The following CTNND2 variants were observed in gnomAD, a reference collection of about 807,000 sequenced individuals.
The protein encoded by CTNND2 is catenin delta 2.
Under a neutral mutation model 144.4 loss-of-function variants are expected in CTNND2, and 22 were observed. That is an observed-to-expected ratio of 0.15 (90% confidence interval 0.11 to 0.22). The LOEUF (loss-of-function observed/expected upper bound fraction) is 0.22, where lower values mean the gene tolerates loss of function less well. CTNND2 is among the 10% of genes least tolerant of loss of function. CTNND2 has a pLI of 1.00. For missense variants in CTNND2, 1,353 were observed against 1,618.8 expected (o/e 0.84, Z 2.82); for synonymous variants, 751 against 695.6 (o/e 1.08, Z -1.25).
intron 2 of CTNND2, among the ~76,000 whole-genome samples, chr5:11,675,734 ATG>A (rs1363026616): frequency 6.6e-6 from 1 of 151,798 alleles, no homozygotes; most frequent in Non-Finnish European, 1.5e-5. Flanking sequence ...CATCACATAT[ATG>A]TGTGTGTATA....
intron 12 of CTNND2, among the ~76,000 whole-genome samples, chr5:11,149,200 T>G (rs1054976593): frequency 6.6e-6 from 1 of 152,202 alleles, no homozygotes; most frequent in African/African-American, 2.4e-5. Context: ...CTTCATTTCC[T>G]CCAACCACCT....
intron 9 of CTNND2, among the ~76,000 whole-genome samples, chr5:11,247,737 A>C (rs1414642942): frequency 6.6e-6 from 1 of 152,208 alleles, no homozygotes; most frequent in African/African-American, 2.4e-5. Context: ...CTTAAATATT[A>C]ACAAATTTCT....
chr5:11,714,929 A>C (rs1410419360), intron 2 of CTNND2, among the ~76,000 whole-genome samples: 1 of 152,040 alleles, frequency 6.6e-6, no homozygotes, highest in Admixed American at 6.5e-5. Context: ...AAAAAAAGAA[A>C]GAAAGAAATC....
chr5:11,025,705 T>C (rs546101719), intron 16 of CTNND2, among the ~76,000 whole-genome samples: 1 of 152,344 alleles, frequency 6.6e-6, no homozygotes, highest in Non-Finnish European at 1.5e-5. Flanking sequence ...TGTTCTCTTC[T>C]TCTAGACTTC....
intron 1 of CTNND2, among the ~76,000 whole-genome samples, chr5:11,887,718 G>A (rs914966891): frequency 2.0e-5 from 3 of 151,738 alleles, no homozygotes; most frequent in Non-Finnish European, 4.4e-5. Flanking sequence ...ACTATTCCAG[G>A]GCCCCATCCA....
chr5:11,240,031 T>C (rs1742049999), intron 9 of CTNND2, among the ~76,000 whole-genome samples: 1 of 152,058 alleles, frequency 6.6e-6, no homozygotes, highest in Non-Finnish European at 1.5e-5. Flanking sequence ...AAGAAAGGGC[T>C]TGGACATGGA....
At chr5:11,135,396 T>C (rs1057208302) in intron 12 of CTNND2, among the ~76,000 whole-genome samples, 11 of 152,156 alleles carry the variant, frequency 7.2e-5, no homozygotes, top group African/African-American at 2.7e-4. Flanking sequence ...TGTGCTGAAA[T>C]GAAAAGGTTT....
intron 1 of CTNND2, among the ~76,000 whole-genome samples, chr5:11,758,583 T>C (rs191671241): frequency 4.7e-4 from 72 of 152,134 alleles, no homozygotes; most frequent in African/African-American, 1.6e-3. Context: ...CAAGAGACCA[T>C]GCTTATTCAA....
intron 3 of CTNND2, among the ~76,000 whole-genome samples, chr5:11,523,201 C>T (rs1772915794): frequency 1.3e-5 from 2 of 151,916 alleles, no homozygotes; most frequent in South Asian, 4.2e-4. Context: ...TTGTTCCAGC[C>T]CTAAAGCAAA....
intron 11 of CTNND2, among the ~76,000 whole-genome samples, chr5:11,170,591 T>C (rs6554620): frequency 0.16 from 24,207 of 151,212 alleles, 2,629 homozygotes; most frequent in African/African-American, 0.32. Context: ...CACACACACA[T>C]ACACACACAC....
intron 1 of CTNND2, among the ~76,000 whole-genome samples, chr5:11,787,012 T>C (rs561910674): frequency 6.6e-6 from 1 of 152,306 alleles, no homozygotes; most frequent in Non-Finnish European, 1.5e-5. Flanking sequence ...ATCAGCAACT[T>C]AGGTTCCTCC....
At chr5:11,798,374 T>C (rs574374115) in intron 1 of CTNND2, among the ~76,000 whole-genome samples, 3 of 152,340 alleles carry the variant, frequency 2.0e-5, no homozygotes, top group Admixed American at 6.5e-5. Context: ...TTTTCATGTA[T>C]GTTAGACTCT....
chr5:11,096,789 A>AAGAG (rs925024956), intron 15 of CTNND2, among the ~76,000 whole-genome samples: 4 of 148,492 alleles, frequency 2.7e-5, no homozygotes, highest in Admixed American at 1.4e-4. Context: ...GGGAGGGAGG[A>AAGAG]AGAGAGAGAG....
chr5:11,504,829 A>C (rs1011992633), intron 3 of CTNND2, among the ~76,000 whole-genome samples: 1 of 152,146 alleles, frequency 6.6e-6, no homozygotes, highest in African/African-American at 2.4e-5. Flanking sequence ...TACCGAGTGC[A>C]GCTTTAGAGT....
intron 2 of CTNND2, among the ~76,000 whole-genome samples, chr5:11,720,578 A>G (rs1416128769): frequency 2.0e-5 from 3 of 152,122 alleles, no homozygotes; most frequent in African/African-American, 4.8e-5. Flanking sequence ...GCCAAGCATC[A>G]TTGATTTTCC....
chr5:11,462,154 A>T (rs1414458858), intron 3 of CTNND2, among the ~76,000 whole-genome samples: 1 of 152,102 alleles, frequency 6.6e-6, no homozygotes, highest in Non-Finnish European at 1.5e-5. Context: ...ATCTAAACAC[A>T]CTTCTGTGGG....
chr5:11,788,063 A>T (rs555601629), intron 1 of CTNND2, among the ~76,000 whole-genome samples: 1 of 152,244 alleles, frequency 6.6e-6, no homozygotes, highest in Non-Finnish European at 1.5e-5. Flanking sequence ...TTTTTTAAGA[A>T]GATTTCAAAA....
intron 9 of CTNND2, among the ~76,000 whole-genome samples, chr5:11,313,903 C>G (rs146989642): frequency 7.9e-5 from 12 of 151,948 alleles, no homozygotes; most frequent in Non-Finnish European, 1.6e-4. Flanking sequence ...GAAGAGCGAG[C>G]AAATGGGGAA....
chr5:11,171,916 G>A (rs1349283639), intron 11 of CTNND2, among the ~76,000 whole-genome samples: 7 of 152,176 alleles, frequency 4.6e-5, no homozygotes, highest in African/African-American at 1.7e-4. Flanking sequence ...TAAAGACCGT[G>A]GGCCTAATTG....
Sources: gnomAD v4.1 joint callset for allele counts (sites outside exome capture counted in the v4.1 genomes callset) on GRCh38, gnomAD v4.1.1 for gene constraint, MANE v1.5 for transcripts, NCBI Gene and HGNC (gene_info 2026-07-23, HGNC 2026-07-21) for gene names.